RBFOX1: variants seen among roughly 807,000 people sequenced by gnomAD.
The protein encoded by RBFOX1 is RNA binding protein fox-1 homolog 1.
A neutral mutation model predicts 57.7 loss-of-function variants in RBFOX1; 8 were observed. That is an observed-to-expected ratio of 0.14 (90% CI 0.08 to 0.25). The LOEUF (loss-of-function observed/expected upper bound fraction) is 0.25. RBFOX1 is among the 10% of genes least tolerant of loss of function. RBFOX1 has a pLI of 1.00. For synonymous variants in RBFOX1, 326 were observed against 222.4 expected, an observed-to-expected ratio of 1.47 and a Z score of -4.15; for missense variants, 611 against 548.5, an observed-to-expected ratio of 1.11 and a Z score of -1.14.
chr16:7,456,608 G>T (rs529852120), intron 4 of RBFOX1, among the ~76,000 whole-genome samples: 20 of 152,300 alleles, frequency 1.3e-4, no homozygotes, highest in South Asian at 4.1e-4. Context: ...AGGCAAGGGG[G>T]TATTGTGGTT....
In RBFOX1 at chr16:7,660,914, C is replaced by T. The variant is rs2067560050; in HGVS notation, c.891-4015C>T. Among the ~76,000 whole-genome samples the T allele has an allele frequency of 2.0e-5, 3 of 152,296 alleles. No homozygotes were observed. The South Asian group carries it at 6.2e-4, about 32-fold the overall frequency. On this transcript the variant is annotated intron_variant, in intron 12 of 15. Transcript: ENST00000550418. ...GACCCCCTGGGCTCAAATCCCAGTT[C>T]AGACAATACCCAACTCTCTTTCAGT...
At chr16:5,776,407 C>T (rs2054150990) in intron 3 of RBFOX1, among the ~76,000 whole-genome samples, 1 of 152,170 alleles carries the variant, frequency 6.6e-6, no homozygotes, top group Admixed American at 6.5e-5. Context: ...ACCATTTTAA[C>T]CTGCATCCCT....
chr16:7,713,234 T>G lies in RBFOX1; in HGVS notation c.*2489T>G, dbSNP rs1333868355. 1 of 152,206 alleles carries G rather than the reference T, an allele frequency of 6.6e-6. No homozygotes were observed. The highest frequency in any genetic ancestry group is 1.5e-5 in the Non-Finnish European group (1 of 68,046). The allele number at this position is 152,206 out of a possible 1,614,324, so 9.4% of individuals were successfully genotyped here. ...ACGCAATCTGCAAACCCAGAAAATG[T>G]GTATATCTGTCTTTAGAAATTAGTG... On this transcript the variant is annotated 3_prime_UTR_variant, in exon 16 of 16. Transcript: ENST00000550418.
chr16:7,046,254 G>C (rs1451773072), intron 3 of RBFOX1, among the ~76,000 whole-genome samples: 3 of 151,810 alleles, frequency 2.0e-5, no homozygotes, highest in Admixed American at 6.6e-5. Flanking sequence ...GTGTGTGTGT[G>C]TGTGTGTGTG....
At chr16:7,635,738 G>C (rs1311696067) in intron 11 of RBFOX1, among the ~76,000 whole-genome samples, 1 of 152,222 alleles carries the variant, frequency 6.6e-6, no homozygotes, top group African/African-American at 2.4e-5. Flanking sequence ...TGACATAAAT[G>C]GTTGACAGTC....
chr16:6,673,394 C>T (rs545754599), intron 3 of RBFOX1, among the ~76,000 whole-genome samples: 4 of 152,148 alleles, frequency 2.6e-5, no homozygotes, highest in African/African-American at 9.6e-5. Flanking sequence ...TTGAGACCAG[C>T]CTGGTCAACA....
chr16:6,773,587 G>T (rs1419760339), intron 3 of RBFOX1, among the ~76,000 whole-genome samples: 3 of 87,648 alleles, frequency 3.4e-5, no homozygotes, highest in South Asian at 3.4e-4. Flanking sequence ...GGGTGCATTT[G>T]TGTGTGTGTG....
In RBFOX1 at chr16:5,700,046, A is replaced by T. The variant is rs565889558; in HGVS notation, c.318+101085A>T. On this transcript the variant is annotated intron_variant, in intron 3 of 19. Coordinates refer to the RBFOX1 transcript ENST00000641259. ...ACGGGGTTTTACCGTGTTAGCCAGGATGGTTTCGATCTCCTGACCTCATGA... is the reference window on the plus strand; with the variant it reads ...ACGGGGTTTTACCGTGTTAGCCAGGTTGGTTTCGATCTCCTGACCTCATGA... Among the ~76,000 whole-genome samples, 9 of 152,094 alleles carry T rather than the reference A, an allele frequency of 5.9e-5. No homozygotes were observed. In the South Asian group the frequency reaches 1.7e-3, roughly 28 times the overall value.
intron 3 of RBFOX1, among the ~76,000 whole-genome samples, chr16:6,792,590 A>C (rs966749696): frequency 1.3e-5 from 2 of 152,202 alleles, no homozygotes; most frequent in African/African-American, 2.4e-5. Flanking sequence ...TGTGCCTCCT[A>C]CTACGAAGTC....
intron 9 of RBFOX1, among the ~76,000 whole-genome samples, chr16:7,602,711 A>G (rs2095098591): frequency 6.6e-6 from 1 of 152,148 alleles, no homozygotes; most frequent in Non-Finnish European, 1.5e-5. Flanking sequence ...GCGATTTTCA[A>G]GGGCTGGATT....
chr16:6,833,402 G>A (rs762701892), intron 3 of RBFOX1, among the ~76,000 whole-genome samples: 24 of 152,024 alleles, frequency 1.6e-4, no homozygotes, highest in Non-Finnish European at 2.9e-4. Flanking sequence ...CCTGACCTCA[G>A]GTGATCAACC....
At chr16:5,453,817 G>C (rs1347564893) in intron 1 of RBFOX1, among the ~76,000 whole-genome samples, 1 of 152,212 alleles carries the variant, frequency 6.6e-6, no homozygotes, top group Non-Finnish European at 1.5e-5. Context: ...GAGGGTGACA[G>C]TGCTAGGAAG....
At chr16:5,843,820 G>A (rs149368410) in intron 3 of RBFOX1, among the ~76,000 whole-genome samples, 2 of 152,310 alleles carry the variant, frequency 1.3e-5, no homozygotes, top group Non-Finnish European at 2.9e-5. Context: ...ACTCTGCCAC[G>A]TTGCTGCTGG....
intron 4 of RBFOX1, among the ~76,000 whole-genome samples, chr16:7,063,319 C>G (rs1164620273): frequency 1.3e-5 from 2 of 151,996 alleles, no homozygotes; most frequent in Non-Finnish European, 2.9e-5. Flanking sequence ...GGGACCACCC[C>G]CGTGCCCACA....
intron 4 of RBFOX1, among the ~76,000 whole-genome samples, chr16:7,405,033 G>A (rs1182403504): frequency 1.3e-5 from 2 of 152,170 alleles, no homozygotes; most frequent in Non-Finnish European, 2.9e-5. Flanking sequence ...TTTCGGTTAC[G>A]GTAATAACGC....
At chr16:7,026,524 C>T (rs1260787441) in intron 3 of RBFOX1, among the ~76,000 whole-genome samples, 1 of 152,072 alleles carries the variant, frequency 6.6e-6, no homozygotes, top group Non-Finnish European at 1.5e-5. Flanking sequence ...CTATCTCTCT[C>T]ACACACATAC....
chr16:6,138,515 G>A (rs958935478), intron 1 of RBFOX1, among the ~76,000 whole-genome samples: 5 of 152,184 alleles, frequency 3.3e-5, no homozygotes, highest in African/African-American at 1.2e-4. Flanking sequence ...TTAAAGCCAG[G>A]AAGGGGAGAG....
At chr16:6,637,685 G>A (rs1162247954) in intron 2 of RBFOX1, among the ~76,000 whole-genome samples, 1 of 150,392 alleles carries the variant, frequency 6.6e-6, no homozygotes. Flanking sequence ...AGATGATGAA[G>A]TGGCAGCAGA....
At chr16:7,071,847 C>A (rs113704321) in intron 4 of RBFOX1, among the ~76,000 whole-genome samples, 7 of 152,168 alleles carry the variant, frequency 4.6e-5, no homozygotes, top group African/African-American at 1.2e-4. Flanking sequence ...TGCTCTTCCT[C>A]CCTTATCATG....
Sources: allele counts gnomAD v4.1 joint callset (sites outside exome capture counted in the v4.1 genomes callset), GRCh38; gene constraint gnomAD v4.1.1; transcripts MANE v1.5; gene names NCBI Gene and HGNC (gene_info 2026-07-23, HGNC 2026-07-21).